PTDSS1: variants seen among roughly 807,000 people sequenced by gnomAD.
PTDSS1 encodes phosphatidylserine synthase 1.
PTDSS1 carries 45 observed loss-of-function variants against 70.5 expected under a neutral mutation model. That is an observed-to-expected ratio of 0.64 (90% CI 0.50 to 0.82). PTDSS1 has a LOEUF of 0.82. Among genes scored for constraint, PTDSS1 ranks in the 40% least tolerant of loss-of-function variants. The pLI is 0.00. For missense variants in PTDSS1, 417 were observed against 586.1 expected, an observed-to-expected ratio of 0.71 and a Z score of 2.98; for synonymous variants, 188 against 203.8, an observed-to-expected ratio of 0.92 and a Z score of 0.66.
At chr8:96,267,378 G>A (rs1006914840) in intron 1 of PTDSS1, among the ~76,000 whole-genome samples, 7 of 151,916 alleles carry the variant, frequency 4.6e-5, no homozygotes, top group South Asian at 4.2e-4. Context: ...TATAGCTTTC[G>A]GGACTGTTCT....
chr8:96,318,272 C>T (rs1008327491), intron 9 of PTDSS1, among the ~76,000 whole-genome samples: 4 of 151,700 alleles, frequency 2.6e-5, no homozygotes, highest in African/African-American at 4.8e-5. Flanking sequence ...TGCAGTGAGC[C>T]GCGATTGCAC....
chr8:96,287,690 CAG>C (rs1810843601), intron 4 of PTDSS1, among the ~76,000 whole-genome samples: 1 of 152,104 alleles, frequency 6.6e-6, no homozygotes, highest in African/African-American at 2.4e-5. Context: ...CTGCTTGCCA[CAG>C]AGAGGCCAGT....
intron 4 of PTDSS1, among the ~76,000 whole-genome samples, chr8:96,291,593 T>C (rs1193967649): frequency 6.6e-6 from 1 of 152,218 alleles, no homozygotes; most frequent in Non-Finnish European, 1.5e-5. Context: ...ACATTGCATA[T>C]GATATGTCTT....
chr8:96,280,674 C>T (rs570483050), intron 2 of PTDSS1, among the ~76,000 whole-genome samples: 2 of 152,280 alleles, frequency 1.3e-5, no homozygotes, highest in African/African-American at 4.8e-5. Flanking sequence ...ACCCAGCGTT[C>T]GTTGCTGCAC....
chr8:96,299,130 G>A (rs1242255039), intron 5 of PTDSS1, among the ~76,000 whole-genome samples: 2 of 151,978 alleles, frequency 1.3e-5, no homozygotes, highest in African/African-American at 4.8e-5. Flanking sequence ...GCACATCATG[G>A]GCACTTAATA....
In PTDSS1 at chr8:96,295,180, G is replaced by T. The variant is rs1233291391; in HGVS notation, c.524G>T (p.Gly175Val). The stretch of plus-strand genomic sequence containing the variant: ...ATTTTTGCATTTGGACATTTCTGGG[G>T]CTGGGCCATGAAGGCCTTGCTGATC... ...FDIFAFGHFW[G>V]WAMKALLIRS... Residue 175 changes from glycine to valine, a missense_variant, in exon 5 of 13, where the codon GGC becomes GTC. This residue lies in a region of PTDSS1 where 272 missense variants were observed against 429.5 expected (regional missense o/e 0.63). Transcript: ENST00000517309. 2 of 1,614,174 alleles carry T rather than the reference G, an allele frequency of 1.2e-6. No individual in the cohort carries two copies. Among genetic ancestry groups the T allele is most frequent in the East Asian group, 2.2e-5 (1 of 44,890 alleles).
chr8:96,322,277 C>A (rs1811382745), intron 10 of PTDSS1, among the ~76,000 whole-genome samples: 1 of 152,144 alleles, frequency 6.6e-6, no homozygotes, highest in South Asian at 2.1e-4. Context: ...TAACAGAATA[C>A]CATGGGCTTG....
chr8:96,278,847 G>C lies in PTDSS1; in HGVS notation c.272-5262G>C, dbSNP rs1032439837. Among the ~76,000 whole-genome samples the C allele has an allele frequency of 5.5e-5, 8 of 146,536 alleles. No individual in the cohort carries two copies. In the East Asian group the frequency reaches 1.5e-3, roughly 28 times the overall value. On this transcript the variant is annotated intron_variant, in intron 2 of 12. Transcript: ENST00000517309. ...GCCTTATCTGTACTTCAAGTGCCTG[G>C]CCCATTATTAACTTCTCATGAATAT...
chr8:96,287,381 C>T (rs1038824761), intron 4 of PTDSS1: 12 of 488,874 alleles, frequency 2.5e-5, no homozygotes, highest in South Asian at 2.1e-4. Context: ...CACACTTTAT[C>T]GTCAGACAGC....
chr8:96,299,896 T>A (rs1811028242), intron 6 of PTDSS1, 51 bp downstream of exon 6: 1 of 1,551,936 alleles, frequency 6.4e-7, no homozygotes, highest in Non-Finnish European at 8.7e-7. Flanking sequence ...TGATATATAT[T>A]TAATTGTTTT....
At chr8:96,272,014 T>G (rs1290587769) in intron 1 of PTDSS1, among the ~76,000 whole-genome samples, 1 of 152,198 alleles carries the variant, frequency 6.6e-6, no homozygotes, top group Admixed American at 6.5e-5. Flanking sequence ...TTTTTTTACT[T>G]TGTGAACAAA....
At chr8:96,330,674 A>C in intron 11 of PTDSS1, 1 of 364,170 alleles carries the variant, frequency 2.7e-6, no homozygotes, top group Non-Finnish European at 5.1e-6. Flanking sequence ...CCTGACCTTC[A>C]TTTAGTAGAT....
chr8:96,303,477 T>C (rs1021520667), intron 6 of PTDSS1, among the ~76,000 whole-genome samples: 1 of 152,150 alleles, frequency 6.6e-6, no homozygotes, highest in African/African-American at 2.4e-5. Flanking sequence ...TTAAATAGTA[T>C]TTATTATACC....
At chr8:96,274,479 A>C (rs778358232) in intron 2 of PTDSS1, among the ~76,000 whole-genome samples, 5 of 152,266 alleles carry the variant, frequency 3.3e-5, no homozygotes, top group Admixed American at 6.5e-5. Flanking sequence ...TAATCCCAGC[A>C]CTTTGGGAAG....
chr8:96,283,187 C>A (rs1810767485), intron 2 of PTDSS1, among the ~76,000 whole-genome samples: 1 of 152,212 alleles, frequency 6.6e-6, no homozygotes, highest in African/African-American at 2.4e-5. Context: ...ATGATTGTCA[C>A]TGCAAAATGA....
At chr8:96,265,255 C>A (rs765185311) in intron 1 of PTDSS1, among the ~76,000 whole-genome samples, 4 of 152,068 alleles carry the variant, frequency 2.6e-5, no homozygotes, top group African/African-American at 9.7e-5. Context: ...TCTAAGAGAA[C>A]GAGGAGATAG....
At chr8:96,316,309 G>A (rs1811287989) in intron 9 of PTDSS1, among the ~76,000 whole-genome samples, 1 of 152,142 alleles carries the variant, frequency 6.6e-6, no homozygotes, top group African/African-American at 2.4e-5. Context: ...GCAAAGACAT[G>A]GAATCCACCT....
chr8:96,309,381 C>A (rs1480225079), intron 8 of PTDSS1, 176 bp from the exon 9 acceptor site: 16 of 512,196 alleles, frequency 3.1e-5, no homozygotes, highest in Non-Finnish European at 5.6e-5. Context: ...AACGCTGAAT[C>A]TCTTACAGGA....
intron 2 of PTDSS1, among the ~76,000 whole-genome samples, chr8:96,279,253 T>C (rs1810698059): frequency 6.6e-6 from 1 of 151,774 alleles, no homozygotes; most frequent in South Asian, 2.1e-4. Context: ...AGTGTTGGGA[T>C]TACAGGCATG....
Sources: gnomAD v4.1 joint callset for allele counts (sites outside exome capture counted in the v4.1 genomes callset) on GRCh38, gnomAD v4.1.1 for gene constraint, gnomAD v4.1.1 regional missense constraint, MANE v1.5 for transcripts, NCBI Gene and HGNC (gene_info 2026-07-23, HGNC 2026-07-21) for gene names.